Variants in SPDYE18 observed in about 807,000 individuals in gnomAD.
SPDYE18 encodes the protein speedy/RINGO cell cycle regulator family member E18.
In SPDYE18, 6 loss-of-function variants were observed where a neutral mutation model predicts 44.9. The observed-to-expected ratio is 0.13, with a 90% CI of 0.07 to 0.26. The LOEUF is 0.26. SPDYE18 is among the 10% of genes least tolerant of loss of function. SPDYE18 has a pLI of 1.00. For missense variants in SPDYE18, 121 were observed against 463.2 expected (o/e 0.26, Z 6.78); for synonymous variants, 35 against 177.1 (o/e 0.20, Z 6.37).
At position 77,051,206 on chromosome 7, in the gene SPDYE18, TATA is replaced by T. The variant is rs1789787885; in HGVS notation, c.*716_*718del. ...AAAGAGTGCTCGCTTCAGGAGCACA[TATA>T]ATAATACAGAAACAAATTTAAAGAT... On this transcript the variant is annotated 3_prime_UTR_variant, in exon 9 of 9. Coordinates refer to ENST00000510091, the MANE Select transcript of SPDYE18 (RefSeq NM_001394953.1). 6.6e-6 allele frequency among the ~76,000 whole-genome samples: 1 copy of T among 152,150 alleles called. No homozygotes were observed. Among genetic ancestry groups the T allele is most frequent in the African/African-American group, 2.4e-5 (1 of 41,484 alleles).
chr7:77,053,725 G>A (rs1288067566), intron 6 of SPDYE18, among the ~76,000 whole-genome samples: 3 of 152,140 alleles, frequency 2.0e-5, no homozygotes, highest in Admixed American at 2.0e-4. Context: ...GTTAGGCCTA[G>A]CTACTCAGGA....
rs1262794390 is a variant in SPDYE18, at chr7:77,050,560, C to T, written c.*1365G>A. 1.3e-5 allele frequency among the ~76,000 whole-genome samples: 2 copies of T among 152,224 alleles called. No individual in the cohort carries two copies. Among genetic ancestry groups the T allele is most frequent in the African/African-American group, 4.8e-5 (2 of 41,464 alleles). On this transcript the variant is annotated 3_prime_UTR_variant, in exon 9 of 9. Coordinates refer to ENST00000510091, the MANE Select transcript of SPDYE18 (RefSeq NM_001394953.1). ...CAAGGTAAAAAATTACATCTGAATT[C>T]TCACATTTCAAACATATATGAAATA...
intron 4 of SPDYE18, among the ~76,000 whole-genome samples, chr7:77,057,127 G>A (rs549984845): frequency 6.6e-6 from 1 of 152,260 alleles, no homozygotes; most frequent in Non-Finnish European, 1.5e-5. Flanking sequence ...GTCTTGCTCT[G>A]TGGGCCAGGC....
intron 6 of SPDYE18, among the ~76,000 whole-genome samples, chr7:77,054,229 G>A (rs1452881848): frequency 6.7e-6 from 1 of 150,120 alleles, no homozygotes; most frequent in Non-Finnish European, 1.5e-5. Flanking sequence ...TCCCTTCAGA[G>A]CCACATGTGT....
At chr7:77,055,004 G>A (rs1159131736) in intron 6 of SPDYE18, among the ~76,000 whole-genome samples, 1 of 152,252 alleles carries the variant, frequency 6.6e-6, no homozygotes, top group Non-Finnish European at 1.5e-5. Context: ...CTGACCTCAG[G>A]TGATCTGCCT....
Position 77,051,475 on chromosome 7 carries a change from A to G in SPDYE18, c.*450T>C, listed in dbSNP as rs1474154287. Reference sequence around the variant, plus strand: ...ATCTGTTACAATCTGTGGCACTGATATTTCACAAAAGAATTCTGTGCCAAT... The same window carrying G: ...ATCTGTTACAATCTGTGGCACTGATGTTTCACAAAAGAATTCTGTGCCAAT... On this transcript the variant is annotated 3_prime_UTR_variant, in exon 9 of 9. Transcript: ENST00000510091. Among the ~76,000 whole-genome samples the G allele has an allele frequency of 2.0e-5, 3 of 152,284 alleles. No individual in the cohort carries two copies. Among genetic ancestry groups the G allele is most frequent in the African/African-American group, 7.2e-5 (3 of 41,486 alleles).
rs568275615 is a variant in SPDYE18 at position 77,050,677 on chromosome 7, A to G, written c.*1248T>C. On this transcript the variant is annotated 3_prime_UTR_variant, in exon 9 of 9. Transcript: ENST00000510091. ...TGTTAACTAAGTATCACAGATAAAA[A>G]CCATGCTCCCTTCAGCAGCACGTGT... Among the ~76,000 whole-genome samples the G allele has an allele frequency of 3.0e-4, 45 of 152,136 alleles. No individual in the cohort carries two copies. Among genetic ancestry groups the G allele is most frequent in the South Asian group, 6.2e-4 (3 of 4,834 alleles).
chr7:77,051,689 G>T lies in SPDYE18; in HGVS notation c.*236C>A, dbSNP rs184759183. 3.3e-5 allele frequency among the ~76,000 whole-genome samples: 5 copies of T among 150,982 alleles called. No homozygotes were observed. Among genetic ancestry groups the T allele is most frequent in the Non-Finnish European group, 7.4e-5 (5 of 67,622 alleles). ...ACTTTTCTCCAAGGACTCCTAGAAG[G>T]ACCCCACCCCCCTCCCCCCACCCCT... is the stretch of plus-strand genomic sequence containing the variant. On this transcript the variant is annotated 3_prime_UTR_variant, in exon 9 of 9. Coordinates refer to ENST00000510091, the MANE Select transcript of SPDYE18 (RefSeq NM_001394953.1).
chr7:77,062,457 C>A (rs1429257400), intron 1 of SPDYE18, among the ~76,000 whole-genome samples, 39 bp downstream of exon 1: 1 of 152,212 alleles, frequency 6.6e-6, no homozygotes, highest in Non-Finnish European at 1.5e-5. Context: ...TTTAACCCAT[C>A]TTCAAGCCTG....
At position 77,050,778 on chromosome 7, in the gene SPDYE18, A is replaced by T. The variant is rs1197480200; in HGVS notation, c.*1147T>A. Among the ~76,000 whole-genome samples the T allele has an allele frequency of 6.6e-6, 1 of 151,954 alleles. No individual in the cohort carries two copies. The highest frequency in any genetic ancestry group is 1.5e-5 in the Non-Finnish European group (1 of 67,974). On this transcript the variant is annotated 3_prime_UTR_variant, in exon 9 of 9. Transcript: ENST00000510091. ...CTCTCTTAAAAAGGAAAACAAAATT[A>T]TATGTATGTGTATATAATAGTTATA...
intron 4 of SPDYE18, 76 bp downstream of exon 4, chr7:77,057,561 G>A: frequency 1.7e-6 from 1 of 590,842 alleles, no homozygotes; most frequent in Non-Finnish European, 3.0e-6. Flanking sequence ...TTTCCCATTG[G>A]AAAAGTGTGG....
chr7:77,060,303 C>T, intron 2 of SPDYE18, 50 bp downstream of exon 2: 2 of 1,534,104 alleles, frequency 1.3e-6, no homozygotes, highest in Admixed American at 2.0e-5. Context: ...GGCCCCCTTC[C>T]TTCGTCTTAG....
chr7:77,056,878 C>G (rs1363199177), intron 4 of SPDYE18, among the ~76,000 whole-genome samples: 1 of 150,706 alleles, frequency 6.6e-6, no homozygotes, highest in Non-Finnish European at 1.5e-5. Flanking sequence ...CTCCAGCAGA[C>G]ACGGAGGGAC....
At chr7:77,058,067 C>T (rs1340483928) in intron 3 of SPDYE18, among the ~76,000 whole-genome samples, 200 bp from the exon 4 acceptor site, 2 of 131,686 alleles carry the variant, frequency 1.5e-5, no homozygotes, top group Non-Finnish European at 3.2e-5. Flanking sequence ...TTTCTCTGTC[C>T]TCAGAACACT....
intron 1 of SPDYE18, among the ~76,000 whole-genome samples, chr7:77,061,912 G>A (rs1790025997): frequency 1.2e-5 from 1 of 82,620 alleles, no homozygotes; most frequent in African/African-American, 6.5e-5. Context: ...TGGATCACTT[G>A]AGGTCAGGAG....
At chr7:77,052,336 C>T (rs1286554108) in intron 8 of SPDYE18, among the ~76,000 whole-genome samples, 8 of 152,254 alleles carry the variant, frequency 5.3e-5, no homozygotes, top group East Asian at 3.9e-4. Flanking sequence ...CTGTGCTCAC[C>T]GTGGTTAGCT....
intron 4 of SPDYE18, among the ~76,000 whole-genome samples, chr7:77,056,992 G>T (rs1212238455): frequency 5.9e-5 from 9 of 152,312 alleles, no homozygotes; most frequent in African/African-American, 2.2e-4. Flanking sequence ...AGACACTTAG[G>T]TTTAGAAAAG....
At chr7:77,058,116 CTTTTTTTTTTT>C (rs375559743) in intron 3 of SPDYE18, among the ~76,000 whole-genome samples, 2 of 62,234 alleles carry the variant, frequency 3.2e-5, no homozygotes, top group Non-Finnish European at 5.2e-5. Flanking sequence ...CTCTGAGTCT[CTTTTTTTTTTT>C]TTTTTTTTTT....
At chr7:77,056,997 G>A (rs1274505365) in intron 4 of SPDYE18, among the ~76,000 whole-genome samples, 1 of 152,230 alleles carries the variant, frequency 6.6e-6, no homozygotes, top group South Asian at 2.1e-4. Flanking sequence ...CTTAGGTTTA[G>A]AAAAGTCAGT....
Sources: gnomAD v4.1 joint callset for allele counts (sites outside exome capture counted in the v4.1 genomes callset) on GRCh38, gnomAD v4.1.1 for gene constraint, MANE v1.5 for transcripts, NCBI Gene and HGNC (gene_info 2026-07-23, HGNC 2026-07-21) for gene names.